Variants in DHRS7C observed in about 807,000 individuals in gnomAD.
DHRS7C encodes dehydrogenase/reductase SDR family member 7C.
Under a neutral mutation model 29.6 loss-of-function variants are expected in DHRS7C, and 28 were observed. The observed-to-expected ratio is 0.95, with a 90% CI of 0.70 to 1.30. The LOEUF (loss-of-function observed/expected upper bound fraction) is 1.30, where lower values mean the gene tolerates loss of function less well. Among genes scored for constraint, DHRS7C ranks in the 50% most tolerant of loss-of-function variants. DHRS7C has a pLI of 0.00. For synonymous variants in DHRS7C, 158 were observed against 160.2 expected (o/e 0.99, Z 0.10); for missense variants, 403 against 393.3 (o/e 1.02, Z -0.21).
Position 9,791,371 on chromosome 17 carries a change from G to A in DHRS7C, c.-87C>T, listed in dbSNP as rs967159932. 8.9e-6 allele frequency: 13 copies of A among 1,468,042 alleles called. No homozygotes were observed. In the South Asian group the frequency reaches 1.5e-4, roughly 16 times the overall value. The allele number at this position is 1,468,042 out of a possible 1,614,324, so 90.9% of individuals were successfully genotyped here. The stretch of plus-strand genomic sequence containing the variant: ...CTCCCAGGGCAGGGGGAGGCCCAAG[G>A]CTGCAGGGAGCTCAGCTCTGTGCAA... On this transcript the variant is annotated 5_prime_UTR_variant, in exon 1 of 6. Coordinates refer to ENST00000571134, the MANE Select transcript of DHRS7C (RefSeq NM_001105571.3).
chr17:9,786,191 G>A (rs941080887), intron 1 of DHRS7C, among the ~76,000 whole-genome samples: 2 of 152,074 alleles, frequency 1.3e-5, no homozygotes, highest in African/African-American at 4.8e-5. Context: ...GCCGGGCATG[G>A]TGGCAGGTGC....
intron 1 of DHRS7C, 96 bp downstream of exon 1, chr17:9,791,035 G>A: frequency 6.9e-7 from 1 of 1,453,970 alleles, no homozygotes; most frequent in Non-Finnish European, 9.2e-7. Flanking sequence ...CCACCGAGCA[G>A]GTTTGCCCAC....
chr17:9,789,677 T>TC (rs2066443581), intron 1 of DHRS7C, among the ~76,000 whole-genome samples: 5 of 152,170 alleles, frequency 3.3e-5, no homozygotes, highest in South Asian at 2.1e-4. Flanking sequence ...AGAGGCCGTA[T>TC]CAGGGATCGC....
At position 9,781,493 on chromosome 17, in the gene DHRS7C, C is replaced by T. The variant is rs753229284; in HGVS notation, c.256G>A (p.Asp86Asn). 13 of 1,613,876 alleles carry T rather than the reference C, an allele frequency of 8.1e-6. No individual in the cohort carries two copies. The highest frequency in any genetic ancestry group is 1.1e-5 in the Non-Finnish European group (13 of 1,179,882). ...NLYDALISVA[D>N]PSKTFTPKLV... ...CTAGAAGACCTTACCTTGCTGGGGT[C>T]AGCCACGCTGATCAAGGCATCATAT... Residue 86 changes from aspartate to asparagine, a missense_variant, in exon 2 of 6, where the codon GAC becomes AAC. Coordinates refer to ENST00000571134, the MANE Select transcript of DHRS7C (RefSeq NM_001105571.3).
chr17:9,787,234 C>T (rs1427707019), intron 1 of DHRS7C, among the ~76,000 whole-genome samples: 2 of 152,270 alleles, frequency 1.3e-5, no homozygotes, highest in South Asian at 2.1e-4. Context: ...GCATGAGCCA[C>T]TGCACCTGGC....
intron 1 of DHRS7C, among the ~76,000 whole-genome samples, chr17:9,788,952 G>A (rs1052219290): frequency 6.6e-6 from 1 of 152,180 alleles, no homozygotes; most frequent in Non-Finnish European, 1.5e-5. Context: ...CAGTAGACAC[G>A]ACAAGCTAGG....
At chr17:9,784,282 C>G (rs943907155) in intron 1 of DHRS7C, among the ~76,000 whole-genome samples, 3 of 152,098 alleles carry the variant, frequency 2.0e-5, no homozygotes, top group Admixed American at 6.6e-5. Flanking sequence ...AACATCCTGG[C>G]TAACACGGTG....
Position 9,779,839 on chromosome 17 carries a change from A to T in DHRS7C, c.464T>A (p.Ile155Asn), listed in dbSNP as rs2066383331. ...KIMDANYFGP[I>N]TLTKALLPNM... ...ACTCACGAGACCTTTCGTCAATGTG[A>T]TGGGGCCAAAGTAATTGGCATCCAT... The change falls in exon 3 of 6, where the codon ATC (isoleucine) becomes AAC (asparagine). Residue 155 changes from isoleucine (I) to asparagine (N), a missense_variant. By Grantham distance (149) the Ile-to-Asn change is moderately radical. Transcript: ENST00000571134. 30 of 1,612,866 alleles carry T rather than the reference A, an allele frequency of 1.9e-5. No individual in the cohort carries two copies. The highest frequency in any genetic ancestry group is 2.5e-5 in the Non-Finnish European group (29 of 1,179,466).
At chr17:9,788,587 C>T (rs201751003) in intron 1 of DHRS7C, among the ~76,000 whole-genome samples, 132 of 152,302 alleles carry the variant, frequency 8.7e-4, no homozygotes, top group Admixed American at 2.3e-3. Context: ...AGGTTTAGAG[C>T]GAGGGCTAGA....
intron 5 of DHRS7C, among the ~76,000 whole-genome samples, chr17:9,772,165 CATA>C (rs1333874364): frequency 6.6e-6 from 1 of 152,140 alleles, no homozygotes; most frequent in African/African-American, 2.4e-5. Flanking sequence ...GAGCAGTGGC[CATA>C]ATAAGGTGCA....
chr17:9,774,582 C>A lies in DHRS7C; in HGVS notation c.572-1660G>T, dbSNP rs112627335. On this transcript the variant is annotated intron_variant, in intron 4 of 5. Coordinates refer to ENST00000571134, the MANE Select transcript of DHRS7C (RefSeq NM_001105571.3). This position sits in a 1 kb window ranked among gnomAD's most constrained non-coding sequence, Gnocchi z 5.0. ...TGCAGGTATGAGCCACTGTGCCCGG[C>A]CCCATGTGGCATGGTTAATGCAGGA... Among the ~76,000 whole-genome samples, 378 of 152,322 alleles carry A rather than the reference C, an allele frequency of 2.5e-3. No homozygotes were observed. Among genetic ancestry groups the A allele is most frequent in the African/African-American group, 8.5e-3 (353 of 41,580 alleles).
At position 9,791,390 on chromosome 17, in the gene DHRS7C, T is replaced by C; in HGVS notation, c.-106A>G. On this transcript the variant is annotated 5_prime_UTR_variant, in exon 1 of 6. Coordinates refer to ENST00000571134, the MANE Select transcript of DHRS7C (RefSeq NM_001105571.3). Reference sequence around the variant, plus strand: ...CCCAAGGCTGCAGGGAGCTCAGCTCTGTGCAAGCCTCCAAGCTGAACACCC... The same window carrying C: ...CCCAAGGCTGCAGGGAGCTCAGCTCCGTGCAAGCCTCCAAGCTGAACACCC... 1 of 1,290,100 alleles carries C rather than the reference T, an allele frequency of 7.8e-7. No individual in the cohort carries two copies. The highest frequency in any genetic ancestry group is 1.5e-5 in the South Asian group (1 of 66,230). 79.9% of individuals were successfully genotyped at this position (1,290,100 alleles called of 1,614,324 possible). A position where few individuals can be genotyped will look rare whatever the true frequency, so the allele number is the denominator to read the frequency against.
intron 1 of DHRS7C, among the ~76,000 whole-genome samples, chr17:9,788,944 G>C (rs138192528): frequency 7.6e-4 from 116 of 152,300 alleles, no homozygotes; most frequent in African/African-American, 2.6e-3. Context: ...AACAGTGACA[G>C]TAGACACGAC....
At chr17:9,773,014 T>C (rs1465452308) in intron 4 of DHRS7C, 92 bp from the exon 5 acceptor site, 1 of 1,470,046 alleles carries the variant, frequency 6.8e-7, no homozygotes, top group Non-Finnish European at 9.2e-7. Flanking sequence ...GACAGACACA[T>C]TTCCTACAGG....
Position 9,781,526 on chromosome 17 carries a change from C to G in DHRS7C, c.223G>C (p.Glu75Gln). Residue 75 changes from glutamate to glutamine, a missense_variant, in exon 2 of 6, where the codon GAG becomes CAG. Transcript: ENST00000571134. ...CTGATCAAGGCATCATATAGGTTCT[C>G]TAGCCTCTCCCAGTTCTTTCCACAC... is the stretch of plus-strand genomic sequence containing the variant. ...VLCGKNWERL[E>Q]NLYDALISVA... The G allele has an allele frequency of 6.2e-7, 1 of 1,614,034 alleles. No individual in the cohort carries two copies. The highest frequency in any genetic ancestry group is 8.5e-7 in the Non-Finnish European group (1 of 1,179,898).
rs369673796 is a variant in DHRS7C, at chr17:9,781,566, C to A, written c.183G>T (p.Gly61=). The change falls in exon 2 of 6, where the codon GGG becomes GGT. Residue 61 remains glycine (G), a synonymous_variant. Coordinates refer to ENST00000571134, the MANE Select transcript of DHRS7C (RefSeq NM_001105571.3). ...KECARVFHTG[G]ARLVLCGKNW... The stretch of plus-strand genomic sequence containing the variant: ...TCTTTCCACACAGCACCAGCCTTGC[C>A]CCACCTGTGTGGAACACCCGAGCAC... The A allele has an allele frequency of 6.2e-7, 1 of 1,613,910 alleles. No individual in the cohort carries two copies. Among genetic ancestry groups the A allele is most frequent in the Non-Finnish European group, 8.5e-7 (1 of 1,179,886 alleles).
intron 2 of DHRS7C, among the ~76,000 whole-genome samples, chr17:9,781,026 C>T (rs185071008): frequency 2.6e-5 from 4 of 152,204 alleles, no homozygotes; most frequent in Non-Finnish European, 4.4e-5. Context: ...CAAAGACAGT[C>T]CCCTGACCAG....
intron 3 of DHRS7C, among the ~76,000 whole-genome samples, chr17:9,777,832 G>C (rs141738730): frequency 2.0e-5 from 3 of 152,092 alleles, no homozygotes; most frequent in Non-Finnish European, 4.4e-5. Context: ...AGATTGTGGC[G>C]TTCTCAGGCT....
At chr17:9,782,569 G>A (rs1473963886) in intron 1 of DHRS7C, among the ~76,000 whole-genome samples, 2 of 152,206 alleles carry the variant, frequency 1.3e-5, no homozygotes, top group African/African-American at 2.4e-5. Flanking sequence ...CTGGGGGTGC[G>A]TGCATAGGCT....
Sources: gnomAD v4.1 joint callset for allele counts (sites outside exome capture counted in the v4.1 genomes callset) on GRCh38, gnomAD v4.1.1 for gene constraint, Gnocchi (gnomAD v3.1) non-coding constraint, MANE v1.5 for transcripts, NCBI Gene and HGNC (gene_info 2026-07-23, HGNC 2026-07-21) for gene names.